ZNF624: variants seen among roughly 807,000 people sequenced by gnomAD.
The protein encoded by ZNF624 is zinc finger protein 624.
Under a neutral mutation model 74.7 loss-of-function variants are expected in ZNF624, and 43 were observed. The ratio of observed to expected loss-of-function variants is 0.58; its 90% CI spans 0.45 to 0.74. The LOEUF (loss-of-function observed/expected upper bound fraction) is 0.74, where lower values mean the gene tolerates loss of function less well. Ranked by LOEUF, ZNF624 falls within the 30% of genes least tolerant of loss-of-function variation. The pLI is 0.00. For missense variants in ZNF624, 820 were observed against 1,030.0 expected (o/e 0.80, Z 2.79); for synonymous variants, 331 against 341.3 (o/e 0.97, Z 0.33).
intron 3 of ZNF624, among the ~76,000 whole-genome samples, chr17:16,641,530 C>T (rs180753235): frequency 2.2e-3 from 336 of 152,336 alleles, no homozygotes; most frequent in Admixed American, 3.9e-3. Context: ...GTGATCCACC[C>T]ACCTCAGCCT....
Position 16,622,911 on chromosome 17 carries a change from G to C in ZNF624, c.1975C>G (p.Gln659Glu), listed in dbSNP as rs1307359465. 6.2e-7 allele frequency: 1 copy of C among 1,613,844 alleles called. No individual in the cohort carries two copies. The highest frequency in any genetic ancestry group is 2.2e-5 in the East Asian group (1 of 44,880). Residue 659 changes from glutamine (Q) to glutamate (E), a missense_variant, in exon 6 of 6, where the codon CAG becomes GAG. Gln to Glu is a conservative substitution (Grantham distance 29). Transcript: ENST00000311331. The part of the protein sequence containing the change: ...FRTKSYLIVH[Q>E]RTHTGEKPYK... ...GGTTTTTCTCCAGTATGGGTCCTCT[G>C]ATGTACAATAAGGTATGATTTAGTC... is the stretch of plus-strand genomic sequence containing the variant.
chr17:16,624,112 C>A lies in ZNF624; in HGVS notation c.774G>T (p.Arg258Ser), dbSNP rs775783256. ...CKEMKGSKAI[R>S]QTSELTLGKK... is the part of the protein sequence containing the mutation. ...TCCCCAAAGTTAGTTCTGAAGTCTG[C>A]CTTATGGCTTTGCTGCCTTTCATCT... The change falls in exon 6 of 6, where the codon AGG becomes AGT. Residue 258 changes from arginine to serine, a missense_variant. Arg to Ser is a moderately radical substitution (Grantham distance 110). Coordinates refer to ENST00000311331, the MANE Select transcript of ZNF624 (RefSeq NM_020787.4). 3 of 1,614,150 alleles carry A rather than the reference C, an allele frequency of 1.9e-6. No individual in the cohort carries two copies. In the Admixed American group the frequency reaches 5.0e-5, roughly 27 times the overall value.
intron 3 of ZNF624, among the ~76,000 whole-genome samples, 157 bp downstream of exon 3, chr17:16,647,172 G>GA (rs201828558): frequency 1.3e-3 from 196 of 152,334 alleles, no homozygotes; most frequent in African/African-American, 4.6e-3. Flanking sequence ...ACCTCTGAGA[G>GA]AAATGAAATC....
At chr17:16,646,067 A>G (rs906440830) in intron 3 of ZNF624, among the ~76,000 whole-genome samples, 2 of 152,138 alleles carry the variant, frequency 1.3e-5, no homozygotes, top group Non-Finnish European at 2.9e-5. Context: ...TGGTTCTATT[A>G]AAAGTAAAAT....
chr17:16,648,861 G>A (rs1909653974), intron 2 of ZNF624, among the ~76,000 whole-genome samples: 1 of 152,096 alleles, frequency 6.6e-6, no homozygotes, highest in African/African-American at 2.4e-5. Context: ...TGAATCACAA[G>A]CTCACCCACT....
At chr17:16,616,957 G>C, downstream of ZNF624, 1 of 1,587,626 alleles carries the variant, frequency 6.3e-7, no homozygotes, top group Non-Finnish European at 8.6e-7. Flanking sequence ...GGCCTTTCAG[G>C]GTGGACCAGG....
At chr17:16,619,294 T>C (rs1050418267), downstream of ZNF624, among the ~76,000 whole-genome samples, 1 of 152,180 alleles carries the variant, frequency 6.6e-6, no homozygotes, top group Non-Finnish European at 1.5e-5. Context: ...CTTTATGACC[T>C]TGAGTTAGGA....
chr17:16,638,821 C>T (rs1039805598), intron 3 of ZNF624, among the ~76,000 whole-genome samples: 1 of 152,078 alleles, frequency 6.6e-6, no homozygotes, highest in Admixed American at 6.6e-5. Flanking sequence ...CAAACCTGCA[C>T]ATCGTGCACA....
Position 16,649,717 on chromosome 17 carries a change from T to C in ZNF624, c.28A>G (p.Arg10Gly). The change falls in exon 2 of 6, where the codon AGA (arginine) becomes GGA (glycine). Residue 10 changes from arginine to glycine, a missense_variant. Physicochemically the swap from Arg to Gly is moderately radical, Grantham distance 125 (BLOSUM62 -2). Coordinates refer to ENST00000311331, the MANE Select transcript of ZNF624 (RefSeq NM_020787.4). MSLQDSTLS[R>G]EGKPEGEIMA... is the part of the protein sequence containing the mutation. ...ATCTCTCCCTCTGGTTTCCCCTCTC[T>C]GGAAAGAGTGGAGTCTTGCAAAGAC... The C allele has an allele frequency of 6.2e-7, 1 of 1,613,942 alleles. No individual in the cohort carries two copies. The highest frequency in any genetic ancestry group is 1.7e-5 in the Admixed American group (1 of 60,018).
intron 1 of ZNF624, among the ~76,000 whole-genome samples, chr17:16,650,405 A>G (rs1909695288): frequency 6.8e-6 from 1 of 146,966 alleles, no homozygotes; most frequent in East Asian, 2.0e-4. Context: ...ACAAAAAGGA[A>G]GCAGGTATAA....
chr17:16,634,053 C>T (rs2142605182), intron 4 of ZNF624, 96 bp from the exon 5 acceptor site: 2 of 947,392 alleles, frequency 2.1e-6, no homozygotes, highest in East Asian at 2.6e-5. Context: ...GCAGAATGAC[C>T]ATTACAGGAA....
chr17:16,653,678 C>A (rs1289067413), intron 1 of ZNF624, 86 bp downstream of exon 1: 1 of 152,722 alleles, frequency 6.5e-6, no homozygotes, highest in African/African-American at 2.4e-5. Context: ...CTAGAGGGAA[C>A]GGCCACGCCC....
chr17:16,627,517 GAGA>G (rs934695972), intron 5 of ZNF624, among the ~76,000 whole-genome samples: 41 of 152,320 alleles, frequency 2.7e-4, no homozygotes, highest in African/African-American at 9.6e-4. Flanking sequence ...AAATTACAAG[GAGA>G]AGAATGAAAC....
chr17:16,616,601 G>T (rs1908796471), downstream of ZNF624, among the ~76,000 whole-genome samples: 2 of 152,176 alleles, frequency 1.3e-5, no homozygotes, highest in South Asian at 4.1e-4. Context: ...CTTTACAAAA[G>T]TTATGTTAGC....
chr17:16,634,935 T>C (rs575055429), intron 3 of ZNF624, among the ~76,000 whole-genome samples, 179 bp from the exon 4 acceptor site: 2 of 152,346 alleles, frequency 1.3e-5, no homozygotes, highest in East Asian at 3.9e-4. Context: ...CTTGAAACCA[T>C]AATATGCTGC....
chr17:16,623,802 A>G lies in ZNF624; in HGVS notation c.1084T>C (p.Cys362Arg), dbSNP rs1330345245. The G allele has an allele frequency of 6.2e-7, 1 of 1,613,880 alleles. No individual in the cohort carries two copies. The highest frequency in any genetic ancestry group is 8.5e-7 in the Non-Finnish European group (1 of 1,180,006). Reference sequence around the variant, plus strand: ...CTAAAAGATTTCCCACACACATTACACTGATAAGGTTTCTCTTTAGTGTGA... The same window carrying G: ...CTAAAAGATTTCCCACACACATTACGCTGATAAGGTTTCTCTTTAGTGTGA... Reference protein sequence around the residue: ...RIHTKEKPYQCNVCGKSFSQC... With the variant: ...RIHTKEKPYQRNVCGKSFSQC... Residue 362 changes from cysteine (C) to arginine (R), a missense_variant, in exon 6 of 6, where the codon TGT (cysteine) becomes CGT (arginine). Transcript: ENST00000311331. This position sits in a 1 kb window ranked among gnomAD's most constrained non-coding sequence, Gnocchi z 5.3.
intron 5 of ZNF624, among the ~76,000 whole-genome samples, chr17:16,628,775 T>C (rs1168733594): frequency 7.2e-6 from 1 of 138,960 alleles, no homozygotes; most frequent in Non-Finnish European, 1.6e-5. Context: ...CCACAAGAGA[T>C]AAAAAAAAAA....
chr17:16,615,954 TAC>T (rs1268839048), downstream of ZNF624, among the ~76,000 whole-genome samples: 4 of 93,702 alleles, frequency 4.3e-5, no homozygotes, highest in South Asian at 4.5e-4. Context: ...CTATTCCATA[TAC>T]ATATATATAT....
chr17:16,616,701 T>C (rs1163254688), downstream of ZNF624: 4 of 478,714 alleles, frequency 8.4e-6, no homozygotes, highest in Non-Finnish European at 1.4e-5. Context: ...ATCTTTTTCA[T>C]CCAATTTGGC....
Sources: gnomAD v4.1 joint callset for allele counts (sites outside exome capture counted in the v4.1 genomes callset) on GRCh38, gnomAD v4.1.1 for gene constraint, Gnocchi (gnomAD v3.1) non-coding constraint, MANE v1.5 for transcripts, NCBI Gene and HGNC (gene_info 2026-07-23, HGNC 2026-07-21) for gene names.